The following CELSR2 variants were observed in gnomAD, a reference collection of about 807,000 sequenced individuals.
The protein encoded by CELSR2 is EGF-like protein 2.
Under a neutral mutation model 251.6 loss-of-function variants are expected in CELSR2, and 81 were observed. That is an observed-to-expected ratio of 0.32 (90% CI 0.27 to 0.39). The LOEUF (loss-of-function observed/expected upper bound fraction) is 0.39, where lower values mean the gene tolerates loss of function less well. Ranked by LOEUF, CELSR2 falls within the 10% of genes least tolerant of loss-of-function variation. The probability of loss-of-function intolerance (pLI) is 1.00; values close to 1 mark genes in which losing one functional copy is unlikely to be tolerated. For synonymous variants in CELSR2, 1,721 were observed against 1,670.5 expected (o/e 1.03, Z -0.74); for missense variants, 3,365 against 3,947.7 (o/e 0.85, Z 3.96).
In CELSR2 at chr1:109,269,047, C is replaced by A; in HGVS notation, c.6631+39C>A. 5 of 1,600,996 alleles carry A rather than the reference C, an allele frequency of 3.1e-6. No homozygotes were observed. Among genetic ancestry groups the A allele is most frequent in the Non-Finnish European group, 4.3e-6 (5 of 1,170,476 alleles). ...ATGGATTGAGTTGGGAGCTGGACCC[C>A]AGTGTCTGTGCAGACTCCACAGAGA... On this transcript the variant is annotated intron_variant, in intron 19 of 33. Coordinates refer to ENST00000271332, the MANE Select transcript of CELSR2 (RefSeq NM_001408.3). The surrounding 1 kb of genome is among the most constrained non-coding windows in gnomAD (Gnocchi z 6.4).
intron 1 of CELSR2, among the ~76,000 whole-genome samples, chr1:109,255,804 T>C (rs1266292495): frequency 6.6e-6 from 1 of 151,984 alleles, no homozygotes; most frequent in African/African-American, 2.4e-5. Context: ...GAGGGTGATA[T>C]AGAAAGGAGA....
At position 109,269,318 on chromosome 1, in the gene CELSR2, AG is replaced by A; in HGVS notation, c.6812+32del. On this transcript the variant is annotated intron_variant, in intron 20 of 33. Transcript: ENST00000271332. This position sits in a 1 kb window ranked among gnomAD's most constrained non-coding sequence, Gnocchi z 6.4. The stretch of plus-strand genomic sequence containing the variant: ...CAGCAGCTAGGGGACAGGTGTGGGT[AG>A]GGGTATGGGTCGGGCGGTGAGTGCT... 1 of 1,612,410 alleles carries A rather than the reference AG, an allele frequency of 6.2e-7. No homozygotes were observed. Among genetic ancestry groups the A allele is most frequent in the East Asian group, 2.2e-5 (1 of 44,878 alleles).
chr1:109,264,802 G>T (rs1220509148), intron 11 of CELSR2, 66 bp from the exon 12 acceptor site: 1 of 1,610,980 alleles, frequency 6.2e-7, no homozygotes, highest in Non-Finnish European at 8.5e-7. Flanking sequence ...ACAGATGAAG[G>T]GTTTGATGGA....
Position 109,264,092 on chromosome 1 carries a change from C to T in CELSR2, c.5016C>T (p.His1672=), listed in dbSNP as rs776080235. Residue 1672 remains histidine, a synonymous_variant, in exon 10 of 34, where the codon CAC becomes CAT. Coordinates refer to ENST00000271332, the MANE Select transcript of CELSR2 (RefSeq NM_001408.3). The part of the protein sequence containing the change: ...STITLQLREG[H]VMLSVEGTGL... The stretch of plus-strand genomic sequence containing the variant: ...CCTGGTGTCAGCTACGAGAGGGCCA[C>T]GTGATGCTGAGCGTGGAGGGCACAG... 1.9e-5 allele frequency: 30 copies of T among 1,582,242 alleles called. No individual in the cohort carries two copies. The Middle Eastern group carries it at 5.0e-4, about 27-fold the overall frequency.
chr1:109,269,023 T>G lies in CELSR2; in HGVS notation c.6631+15T>G. On this transcript the variant is annotated intron_variant, in intron 19 of 33. Coordinates refer to ENST00000271332, the MANE Select transcript of CELSR2 (RefSeq NM_001408.3). This position sits in a 1 kb window ranked among gnomAD's most constrained non-coding sequence, Gnocchi z 6.4. ...TGTCTTCAGAGGTCAGTGGTGGCCA[T>G]GGATTGAGTTGGGAGCTGGACCCCA... is the stretch of plus-strand genomic sequence containing the variant. The G allele has an allele frequency of 6.2e-7, 1 of 1,605,940 alleles. No homozygotes were observed. Among genetic ancestry groups the G allele is most frequent in the South Asian group, 1.1e-5 (1 of 90,752 alleles).
chr1:109,272,148 AGG>A lies in CELSR2; in HGVS notation c.7927-128_7927-127del. 4.1e-6 allele frequency: 5 copies of A among 1,218,334 alleles called. 1 individual carries two copies. In the South Asian group the frequency reaches 7.5e-5, roughly 18 times the overall value. The allele number at this position is 1,218,334 out of a possible 1,614,324, so 75.5% of individuals were successfully genotyped here. A position where few individuals can be genotyped will look rare whatever the true frequency, so the allele number is the denominator to read the frequency against. On this transcript the variant is annotated intron_variant, in intron 28 of 33. Transcript: ENST00000271332. ...CTCAATATGGGGACAGCGGAGAAGC[AGG>A]GCCCTCTCTTTCAGACCTGAGCATG...
chr1:109,252,192 G>A lies in CELSR2; in HGVS notation c.2113G>A (p.Ala705Thr), dbSNP rs746803247. 7.4e-6 allele frequency: 12 copies of A among 1,613,710 alleles called. No homozygotes were observed. Among genetic ancestry groups the A allele is most frequent in the African/African-American group, 1.3e-5 (1 of 74,938 alleles). ...ACAGATTGTGGTGAATGTCACCGAC[G>A]CCAACACCCATCGTCCTGTCTTTCA... ...TAQIVVNVTD[A>T]NTHRPVFQSS... is the part of the protein sequence containing the mutation. The change falls in exon 1 of 34, where the codon GCC (alanine) becomes ACC (threonine). Residue 705 changes from alanine (A) to threonine (T), a missense_variant. Physicochemically the swap from Ala to Thr is moderately conservative, Grantham distance 58. Transcript: ENST00000271332. The surrounding 1 kb of genome is among the most constrained non-coding windows in gnomAD (Gnocchi z 4.8).
rs191622090 is a variant in CELSR2, at chr1:109,252,323, C to G, written c.2244C>G (p.Thr748=). The change falls in exon 1 of 34, where the codon ACC becomes ACG. Residue 748 remains threonine, a synonymous_variant. Coordinates refer to ENST00000271332, the MANE Select transcript of CELSR2 (RefSeq NM_001408.3). This position sits in a 1 kb window ranked among gnomAD's most constrained non-coding sequence, Gnocchi z 4.8. ...ACACAGGTGAGAATGCCCGCATCAC[C>G]TACTTCATGGAGGACAGCATCCCCC... ...DEDTGENARI[T]YFMEDSIPQF... The G allele has an allele frequency of 1.6e-4, 255 of 1,613,052 alleles. No individual in the cohort carries two copies. Among genetic ancestry groups the G allele is most frequent in the Non-Finnish European group, 2.1e-4 (248 of 1,180,036 alleles).
rs1334709201 is a variant in CELSR2, at chr1:109,252,196, A to G, written c.2117A>G (p.Asn706Ser). ...ATTGTGGTGAATGTCACCGACGCCA[A>G]CACCCATCGTCCTGTCTTTCAGAGC... ...AQIVVNVTDA[N>S]THRPVFQSSH... The change falls in exon 1 of 34, where the codon AAC (asparagine) becomes AGC (serine). Residue 706 changes from asparagine to serine, a missense_variant. Asn to Ser is a conservative substitution (Grantham distance 46). Transcript: ENST00000271332. The surrounding 1 kb of genome is among the most constrained non-coding windows in gnomAD (Gnocchi z 4.8). The G allele has an allele frequency of 6.2e-7, 1 of 1,613,802 alleles. No individual in the cohort carries two copies. The highest frequency in any genetic ancestry group is 2.2e-5 in the East Asian group (1 of 44,878).
At position 109,272,328 on chromosome 1, in the gene CELSR2, C is replaced by T. The variant is rs769441286; in HGVS notation, c.7977C>T (p.Tyr2659=). 8.1e-5 allele frequency: 131 copies of T among 1,612,202 alleles called. No homozygotes were observed. Among genetic ancestry groups the T allele is most frequent in the Non-Finnish European group, 9.8e-5 (116 of 1,178,826 alleles). ...CAGATGGGCGGCTGTACCAGCCCTACGGAGACTCGGCCGGCTCTCTGCACA... is the reference window on the plus strand; with the variant it reads ...CAGATGGGCGGCTGTACCAGCCCTATGGAGACTCGGCCGGCTCTCTGCACA... ...PYADGRLYQP[Y]GDSAGSLHST... The change falls in exon 29 of 34, where the codon TAC becomes TAT. Residue 2659 remains tyrosine (Y), a synonymous_variant. Coordinates refer to ENST00000271332, the MANE Select transcript of CELSR2 (RefSeq NM_001408.3).
In CELSR2 at chr1:109,271,269, G is replaced by T; in HGVS notation, c.7649G>T (p.Arg2550Leu). 6.2e-7 allele frequency: 1 copy of T among 1,614,004 alleles called. No homozygotes were observed. The highest frequency in any genetic ancestry group is 1.1e-5 in the South Asian group (1 of 91,068). Residue 2550 changes from arginine (R) to leucine (L), a missense_variant, in exon 26 of 34, where the codon CGG becomes CTG. Around this residue, in one of 5 missense-constraint regions of CELSR2, gnomAD observed 2,093 missense variants for 2,382.8 expected, o/e 0.88. Coordinates refer to ENST00000271332, the MANE Select transcript of CELSR2 (RefSeq NM_001408.3). ...LAARASCAAQ[R>L]QGFEKKGPVS... ...GCCCGGGCCTCCTGTGCTGCCCAGCGGCAGGGCTTTGAGAAGAAAGGTCCT... is the reference window on the plus strand; with the variant it reads ...GCCCGGGCCTCCTGTGCTGCCCAGCTGCAGGGCTTTGAGAAGAAAGGTCCT...
Position 109,269,449 on chromosome 1 carries a change from ACACCCGTGGTGAGCAT to A in CELSR2, c.6841_6856del (p.Pro2281AlafsTer71). 1 of 1,613,908 alleles carries A rather than the reference ACACCCGTGGTGAGCAT, an allele frequency of 6.2e-7. No individual in the cohort carries two copies. The highest frequency in any genetic ancestry group is 8.5e-7 in the Non-Finnish European group (1 of 1,179,954). On this transcript the variant is annotated frameshift_variant, in exon 21 of 34. Coordinates refer to ENST00000271332, the MANE Select transcript of CELSR2 (RefSeq NM_001408.3). LOFTEE classifies it high-confidence loss of function. The surrounding 1 kb of genome is among the most constrained non-coding windows in gnomAD (Gnocchi z 6.4). ...AGTCCCCAAACGCCCGATCATCAACACACCCGTGGTGAGCATCAGCGTCCATGATGATGAGGAGCTT... is the reference window on the plus strand; with the variant it reads ...AGTCCCCAAACGCCCGATCATCAACACAGCGTCCATGATGATGAGGAGCTT...
At position 109,272,694 on chromosome 1, in the gene CELSR2, C is replaced by T. The variant is rs1395183433; in HGVS notation, c.8109C>T (p.Gly2703=). 1.2e-6 allele frequency: 2 copies of T among 1,613,266 alleles called. No individual in the cohort carries two copies. Among genetic ancestry groups the T allele is most frequent in the Admixed American group, 3.3e-5 (2 of 59,976 alleles). Residue 2703 remains glycine, a synonymous_variant, in exon 30 of 34, where the codon GGC becomes GGT. Coordinates refer to ENST00000271332, the MANE Select transcript of CELSR2 (RefSeq NM_001408.3). The stretch of plus-strand genomic sequence containing the variant: ...GGCCCCCTGGCCTGGGGGATCCAGG[C>T]AGCCTGTTCCTGGAAGGTCAAGACC... ...GQGPPGLGDP[G]SLFLEGQDQQ... is the part of the protein sequence containing the mutation.
rs1340842116 is a variant in CELSR2, at chr1:109,258,687, A to G, written c.3566A>G (p.Gln1189Arg). ...CTCAACGTGAGCCTGTCGGTGGGCC[A>G]GCCGCCAGGGCCCGGGGGCGGGCCG... The part of the protein sequence containing the change: ...HILNVSLSVG[Q>R]PPGPGGGPPF... Residue 1189 changes from glutamine to arginine, a missense_variant, in exon 2 of 34, where the codon CAG becomes CGG. By Grantham distance (43) the Gln-to-Arg change is conservative. Coordinates refer to ENST00000271332, the MANE Select transcript of CELSR2 (RefSeq NM_001408.3). 3 of 1,548,068 alleles carry G rather than the reference A, an allele frequency of 1.9e-6. No individual in the cohort carries two copies. The Admixed American group carries it at 5.9e-5, about 31-fold the overall frequency.
In CELSR2 at chr1:109,267,638, G is replaced by T. The variant is rs763871132; in HGVS notation, c.6104G>T (p.Gly2035Val). ...TCCATCACCTTCTCAGAACTGAAGG[G>T]CTTCGTAAGTGAACCCCCTCATCTC... is the stretch of plus-strand genomic sequence containing the variant. ...CTSITFSELK[G>V]FAERLQRNES... The change falls in exon 16 of 34, where the codon GGC (glycine) becomes GTC (valine). Residue 2035 changes from glycine (G) to valine (V), a missense_variant. Around this residue, in one of 5 missense-constraint regions of CELSR2, gnomAD observed 2,093 missense variants for 2,382.8 expected, o/e 0.88. Coordinates refer to ENST00000271332, the MANE Select transcript of CELSR2 (RefSeq NM_001408.3). The T allele has an allele frequency of 1.2e-6, 2 of 1,614,156 alleles. No individual in the cohort carries two copies. The highest frequency in any genetic ancestry group is 8.5e-7 in the Non-Finnish European group (1 of 1,180,002).
At chr1:109,265,535 G>A (rs1009482714) in intron 13 of CELSR2, among the ~76,000 whole-genome samples, 200 bp from the exon 14 acceptor site, 3 of 152,210 alleles carry the variant, frequency 2.0e-5, no homozygotes, top group African/African-American at 7.2e-5. Context: ...TGTGGTGGTG[G>A]TTTGCAGCCT....
Position 109,250,397 on chromosome 1 carries a change from T to C in CELSR2, c.318T>C (p.Ala106=). 2 of 1,613,524 alleles carry C rather than the reference T, an allele frequency of 1.2e-6. No homozygotes were observed. The highest frequency in any genetic ancestry group is 1.7e-6 in the Non-Finnish European group (2 of 1,179,996). The part of the protein sequence containing the change: ...ESEAHIPLPP[A]PEGCPWSCRL... The stretch of plus-strand genomic sequence containing the variant: ...AGGCCCATATTCCCCTACCACCAGC[T>C]CCTGAAGGCTGCCCCTGGAGCTGTC... The change falls in exon 1 of 34, where the codon GCT becomes GCC. Residue 106 remains alanine, a synonymous_variant. Coordinates refer to ENST00000271332, the MANE Select transcript of CELSR2 (RefSeq NM_001408.3). This position sits in a 1 kb window ranked among gnomAD's most constrained non-coding sequence, Gnocchi z 4.4.
Position 109,252,333 on chromosome 1 carries a change from G to A in CELSR2, c.2254G>A (p.Glu752Lys). ...GENARITYFMEDSIPQFRIDA... is the reference protein window; with the variant it reads ...GENARITYFMKDSIPQFRIDA... ...GAATGCCCGCATCACCTACTTCATGGAGGACAGCATCCCCCAGTTCCGCAT... is the reference window on the plus strand; with the variant it reads ...GAATGCCCGCATCACCTACTTCATGAAGGACAGCATCCCCCAGTTCCGCAT... The change falls in exon 1 of 34, where the codon GAG becomes AAG. Residue 752 changes from glutamate (E) to lysine (K), a missense_variant. By Grantham distance (56) the Glu-to-Lys change is moderately conservative. Coordinates refer to ENST00000271332, the MANE Select transcript of CELSR2 (RefSeq NM_001408.3). This position sits in a 1 kb window ranked among gnomAD's most constrained non-coding sequence, Gnocchi z 4.8. The A allele has an allele frequency of 6.2e-7, 1 of 1,613,108 alleles. No homozygotes were observed. Among genetic ancestry groups the A allele is most frequent in the Non-Finnish European group, 8.5e-7 (1 of 1,180,026 alleles).
At position 109,252,284 on chromosome 1, in the gene CELSR2, C is replaced by T. The variant is rs143655402; in HGVS notation, c.2205C>T (p.Ser735=). 14 of 1,613,148 alleles carry T rather than the reference C, an allele frequency of 8.7e-6. No individual in the cohort carries two copies. Among genetic ancestry groups the T allele is most frequent in the South Asian group, 3.3e-5 (3 of 91,076 alleles). The stretch of plus-strand genomic sequence containing the variant: ...CAGGCACCACGGTGGTGCTGATCAG[C>T]GCCACGGATGAGGACACAGGTGAGA... ...RPAGTTVVLI[S]ATDEDTGENA... is the part of the protein sequence containing the mutation. The change falls in exon 1 of 34, where the codon AGC becomes AGT. Residue 735 remains serine (S), a synonymous_variant. Coordinates refer to ENST00000271332, the MANE Select transcript of CELSR2 (RefSeq NM_001408.3). The surrounding 1 kb of genome is among the most constrained non-coding windows in gnomAD (Gnocchi z 4.8).
Sources: gnomAD v4.1 joint callset for allele counts (sites outside exome capture counted in the v4.1 genomes callset) on GRCh38, gnomAD v4.1.1 for gene constraint, gnomAD v4.1.1 regional missense constraint, Gnocchi (gnomAD v3.1) non-coding constraint, MANE v1.5 for transcripts, NCBI Gene and HGNC (gene_info 2026-07-23, HGNC 2026-07-21) for gene names.